Variants in ARHGAP45 observed in about 807,000 individuals in gnomAD.
The protein encoded by ARHGAP45 is Rho GTPase activating protein 45, also known as rho GTPase-activating protein 45.
In ARHGAP45, 56 loss-of-function variants were observed where a neutral mutation model predicts 116.1. That is an observed-to-expected ratio of 0.48 (90% confidence interval 0.39 to 0.60). The LOEUF is 0.60. Ranked by LOEUF, ARHGAP45 falls within the 20% of genes least tolerant of loss-of-function variation. The pLI is 0.00. For missense variants in ARHGAP45, 1,622 were observed against 1,601.0 expected (o/e 1.01, Z -0.22); for synonymous variants, 866 against 701.7 (o/e 1.23, Z -3.70).
chr19:1,079,135 G>A (rs979632592), intron 11 of ARHGAP45, among the ~76,000 whole-genome samples: 34 of 149,798 alleles, frequency 2.3e-4, no homozygotes, highest in Middle Eastern at 3.5e-3. Context: ...AGCCGAGATC[G>A]CGCCACTGCA....
upstream of ARHGAP45, among the ~76,000 whole-genome samples, chr19:1,066,968 C>T (rs1239809057): frequency 6.6e-6 from 1 of 152,156 alleles, no homozygotes; most frequent in African/African-American, 2.4e-5. Flanking sequence ...TGCGTGTCAT[C>T]GTGCACGTGT....
chr19:1,082,550 G>T (rs923613544), intron 19 of ARHGAP45: 23 of 467,838 alleles, frequency 4.9e-5, no homozygotes, highest in African/African-American at 4.1e-4. Context: ...AGGTGGTTGG[G>T]AAGGGGTCAG....
rs149799455 is a variant in ARHGAP45, at chr19:1,085,862, C to A, written c.3267C>A (p.Asp1089Glu). 4 of 1,612,630 alleles carry A rather than the reference C, an allele frequency of 2.5e-6. No individual in the cohort carries two copies. Among genetic ancestry groups the A allele is most frequent in the Middle Eastern group, 1.7e-4 (1 of 6,060 alleles). Residue 1089 changes from aspartate to glutamate, a missense_variant, in exon 23 of 23, where the codon GAC (aspartate) becomes GAA (glutamate). This residue lies in a region of ARHGAP45 where 1,334 missense variants were observed against 1,263.8 expected (regional missense o/e 1.06). Transcript: ENST00000313093. ...EATAREDGDG[D>E]EDGPAQQLSG... ...CAGCCCGGGAGGACGGGGACGGGGA[C>A]GAGGACGGCCCGGCCCAGCAGCTCT...
chr19:1,085,424 CCTCTCTCCTTCCGTTTCTCCCCTTGTCT>C (rs1252179116), intron 22 of ARHGAP45, among the ~76,000 whole-genome samples: 6 of 152,006 alleles, frequency 3.9e-5, no homozygotes, highest in East Asian at 1.9e-4. Context: ...CCTATCAACA[CCTCTCTCCTTCCGTTTCTCCCCTTGTCT>C]CTCTCTCCTC....
At chr19:1,081,256 A>G (rs1184905407) in intron 17 of ARHGAP45, among the ~76,000 whole-genome samples, 192 bp downstream of exon 17, 6 of 152,082 alleles carry the variant, frequency 3.9e-5, no homozygotes, top group Non-Finnish European at 8.8e-5. Flanking sequence ...TCTCTGAGGC[A>G]GCGAGGCAGG....
At position 1,085,533 on chromosome 19, in the gene ARHGAP45, TCTCTCCTGTCTCTCC is replaced by T. The variant is rs1568489626; in HGVS notation, c.3065-126_3065-112del. 2.4e-4 allele frequency: 157 copies of T among 655,560 alleles called. No homozygotes were observed. The African/African-American group carries it at 3.1e-3, about 13-fold the overall frequency. 40.6% of individuals were successfully genotyped at this position (655,560 alleles called of 1,614,324 possible). A position where few individuals can be genotyped will look rare whatever the true frequency, so the allele number is the denominator to read the frequency against. On this transcript the variant is annotated intron_variant, in intron 22 of 22. Transcript: ENST00000313093. ...CCTCCATCTCTCCTGTCTCTCCCCA[TCTCTCCTGTCTCTCC>T]ATCTCTCTCCCCCCTCTCCTGTCTC...
Position 1,079,961 on chromosome 19 carries a change from C to T in ARHGAP45, c.1546C>T (p.Gln516Ter). The T allele has an allele frequency of 6.2e-7, 1 of 1,612,512 alleles. No individual in the cohort carries two copies. The highest frequency in any genetic ancestry group is 8.5e-7 in the Non-Finnish European group (1 of 1,179,582). The change falls in exon 13 of 23, where the codon CAG becomes TAG. Residue 516 changes from glutamine to a stop codon, truncating the protein, a stop_gained. Transcript: ENST00000313093. LOFTEE classifies it high-confidence loss of function. ...TISYYQMMHM[Q>*]TAPLPVHFQM... ...CTCCTACTACCAGATGATGCATATG[C>T]AGACGGCGCCGCTGCCCGTGCACTT...
At chr19:1,074,755 G>T (rs756133851) in intron 9 of ARHGAP45, 31 bp downstream of exon 9, 1 of 1,596,714 alleles carries the variant, frequency 6.3e-7, no homozygotes. Flanking sequence ...CGGGCTGGGC[G>T]GGGGTGTCAC....
intron 19 of ARHGAP45, among the ~76,000 whole-genome samples, chr19:1,082,274 G>T (rs2043462071): frequency 8.0e-6 from 1 of 124,724 alleles, no homozygotes; most frequent in Admixed American, 8.3e-5. Flanking sequence ...GACGCTGTGC[G>T]GGGGCGGGGC....
intron 17 of ARHGAP45, 131 bp downstream of exon 17, chr19:1,081,195 C>A: frequency 3.7e-6 from 4 of 1,067,944 alleles, no homozygotes; most frequent in Non-Finnish European, 5.3e-6. Context: ...TGGAAGGAAG[C>A]GAACGGAGGG....
intron 10 of ARHGAP45, 126 bp downstream of exon 10, chr19:1,075,005 G>A: frequency 1.4e-6 from 1 of 728,318 alleles, no homozygotes; most frequent in Non-Finnish European, 1.8e-6. Flanking sequence ...TCCTGCGCAT[G>A]CGCGGCCTCG....
intron 19 of ARHGAP45, among the ~76,000 whole-genome samples, chr19:1,082,180 G>A (rs1246895245): frequency 6.9e-6 from 1 of 145,064 alleles, no homozygotes; most frequent in African/African-American, 2.6e-5. Flanking sequence ...CCAGTTCTGC[G>A]CCGAGGCACG....
At position 1,076,481 on chromosome 19, in the gene ARHGAP45, G is replaced by GTTTTTTTTTTTTTTTTTT. The variant is rs1568464614; in HGVS notation, c.1186-1375_1186-1374insTTTTTTTTTTTTTTTTTT. Reference sequence around the variant, plus strand: ...TAGAAACCTGTGATTGTTGGCAGTAGTCTTTTTTTTTTTTTTTTTTTTTTT... The same window carrying GTTTTTTTTTTTTTTTTTT: ...TAGAAACCTGTGATTGTTGGCAGTAGTTTTTTTTTTTTTTTTTTTCTTTTTTTTTTTTTTTTTTTTTTT... On this transcript the variant is annotated intron_variant, in intron 10 of 22. Coordinates refer to ENST00000313093, the MANE Select transcript of ARHGAP45 (RefSeq NM_012292.5). Among the ~76,000 whole-genome samples the GTTTTTTTTTTTTTTTTTT allele has an allele frequency of 2.6e-4, 27 of 104,174 alleles. 2 individuals carry two copies. The highest frequency in any genetic ancestry group is 9.9e-4 in the African/African-American group (25 of 25,346). 68.3% of individuals were successfully genotyped at this position (104,174 alleles called of 152,430 possible). A position where few individuals can be genotyped will look rare whatever the true frequency, so the allele number is the denominator to read the frequency against.
intron 10 of ARHGAP45, among the ~76,000 whole-genome samples, chr19:1,075,369 C>T (rs1039021269): frequency 1.3e-5 from 2 of 151,422 alleles, no homozygotes; most frequent in African/African-American, 4.9e-5. Context: ...CGCAGCGTCC[C>T]GAGTAGCTGG....
chr19:1,084,861 C>G (rs923747019), intron 22 of ARHGAP45, among the ~76,000 whole-genome samples: 1 of 152,128 alleles, frequency 6.6e-6, no homozygotes, highest in Admixed American at 6.6e-5. Context: ...CAAGGCAGAT[C>G]ACTTGAGGTT....
chr19:1,082,286 GGGGC>G, intron 19 of ARHGAP45, among the ~76,000 whole-genome samples: 3 of 150,096 alleles, frequency 2.0e-5, no homozygotes, highest in Non-Finnish European at 4.5e-5. Context: ...GGGCGGGGCC[GGGGC>G]CGGGGCTCGG....
intron 15 of ARHGAP45, 35 bp from the exon 16 acceptor site, chr19:1,080,647 C>G: frequency 6.2e-7 from 1 of 1,605,134 alleles, no homozygotes; most frequent in South Asian, 1.1e-5. Flanking sequence ...GCCCCCCTGG[C>G]TGGGGGAGTC....
At chr19:1,077,564 TG>T (rs749774743) in intron 10 of ARHGAP45, 183 of 1,156,504 alleles carry the variant, frequency 1.6e-4, no homozygotes, top group Non-Finnish European at 2.0e-4. Flanking sequence ...TTTTAAATTT[TG>T]GGTAGATACG....
chr19:1,073,101 C>T (rs1343947748), intron 2 of ARHGAP45, 48 bp from the exon 3 acceptor site: 1 of 1,555,790 alleles, frequency 6.4e-7, no homozygotes, highest in Non-Finnish European at 8.6e-7. Flanking sequence ...ACAGACTTTC[C>T]CTGGGACTGG....
Sources: gnomAD v4.1 joint callset for allele counts (sites outside exome capture counted in the v4.1 genomes callset) on GRCh38, gnomAD v4.1.1 for gene constraint, gnomAD v4.1.1 regional missense constraint, MANE v1.5 for transcripts, NCBI Gene and HGNC (gene_info 2026-07-23, HGNC 2026-07-21) for gene names.